The following ORC2 variants were observed in gnomAD, a reference collection of about 807,000 sequenced individuals.
The protein encoded by ORC2 is origin recognition complex protein 2 homolog.
Under a neutral mutation model 77.7 loss-of-function variants are expected in ORC2, and 37 were observed. The observed-to-expected ratio is 0.48, with a 90% confidence interval of 0.37 to 0.63. ORC2 has a LOEUF of 0.63. Among genes scored for constraint, ORC2 ranks in the 20% least tolerant of loss-of-function variants. The pLI, the probability that ORC2 is intolerant of heterozygous loss-of-function variation, is 0.00. For missense variants in ORC2, 557 were observed against 661.9 expected, an observed-to-expected ratio of 0.84 and a Z score of 1.74; for synonymous variants, 201 against 229.5, an observed-to-expected ratio of 0.88 and a Z score of 1.12.
At chr2:200,947,995 G>A (rs1575178547) in intron 5 of ORC2, among the ~76,000 whole-genome samples, 2 of 151,566 alleles carry the variant, frequency 1.3e-5, no homozygotes, top group African/African-American at 2.4e-5. Flanking sequence ...TGCAAGCTCC[G>A]CCTCCCGGGT....
intron 8 of ORC2, among the ~76,000 whole-genome samples, chr2:200,936,691 CTTATGA>C (rs1445737777): frequency 1.3e-5 from 2 of 152,150 alleles, no homozygotes; most frequent in Admixed American, 6.6e-5. Flanking sequence ...ATAAATGGTA[CTTATGA>C]TTATAATTAT....
chr2:200,927,607 G>T (rs1326414384), intron 11 of ORC2, among the ~76,000 whole-genome samples: 2 of 150,134 alleles, frequency 1.3e-5, no homozygotes, highest in East Asian at 2.0e-4. Flanking sequence ...GGAGAATGGC[G>T]TGAACACGGA....
chr2:200,911,919 G>A (rs779330927), intron 17 of ORC2, among the ~76,000 whole-genome samples: 24 of 152,042 alleles, frequency 1.6e-4, no homozygotes, highest in Non-Finnish European at 2.8e-4. Context: ...TTATCACATC[G>A]TTTGCTTAGA....
intron 6 of ORC2, among the ~76,000 whole-genome samples, chr2:200,942,068 T>C (rs13028648): frequency 0.046 from 6,947 of 152,018 alleles, 217 homozygotes; most frequent in Non-Finnish European, 0.071. Flanking sequence ...TAGGCCCTGT[T>C]ACACGAGAGG....
chr2:200,960,401 C>A (rs1404861823), intron 1 of ORC2, among the ~76,000 whole-genome samples: 1 of 152,106 alleles, frequency 6.6e-6, no homozygotes, highest in Non-Finnish European at 1.5e-5. Context: ...TAACTTATGA[C>A]CATTGCTTGT....
intron 4 of ORC2, among the ~76,000 whole-genome samples, chr2:200,951,440 C>T (rs1044969891): frequency 1.3e-5 from 2 of 152,184 alleles, no homozygotes; most frequent in African/African-American, 4.8e-5. Context: ...TAAGCAGCAG[C>T]ACAGCTGTTT....
intron 9 of ORC2, among the ~76,000 whole-genome samples, chr2:200,934,920 C>T (rs956663607): frequency 5.3e-5 from 8 of 152,244 alleles, no homozygotes; most frequent in Middle Eastern, 3.4e-3. Context: ...TTTTCTAAAA[C>T]CAAGGTGCCT....
intron 13 of ORC2, among the ~76,000 whole-genome samples, chr2:200,922,878 G>A (rs2040783220): frequency 6.6e-6 from 1 of 152,182 alleles, no homozygotes; most frequent in Admixed American, 6.5e-5. Context: ...GAGAACTTAT[G>A]TTGAAAACTA....
chr2:200,922,651 T>C (rs950317899), intron 13 of ORC2, among the ~76,000 whole-genome samples: 4 of 151,958 alleles, frequency 2.6e-5, no homozygotes, highest in African/African-American at 7.3e-5. Context: ...AGATGACACA[T>C]TGTGAAAATC....
Position 200,909,235 on chromosome 2 carries a change from C to T in ORC2, c.*2066G>A, listed in dbSNP as rs559874706. 13 of 152,146 alleles carry T rather than the reference C, an allele frequency of 8.5e-5. No individual in the cohort carries two copies. Among genetic ancestry groups the T allele is most frequent in the East Asian group, 1.9e-4 (1 of 5,186 alleles). 9.4% of individuals were successfully genotyped at this position (152,146 alleles called of 1,614,324 possible). A position where few individuals can be genotyped will look rare whatever the true frequency, so the allele number is the denominator to read the frequency against. On this transcript the variant is annotated 3_prime_UTR_variant, in exon 18 of 18. Coordinates refer to ENST00000234296, the MANE Select transcript of ORC2 (RefSeq NM_006190.5). The stretch of plus-strand genomic sequence containing the variant: ...ACAGATACTTTTACATATGCATAGA[C>T]GATATCTGGAAGAATACTTAAGAAA...
intron 1 of ORC2, 42 bp downstream of exon 1, chr2:200,963,447 AG>A (rs1310266098): frequency 5.0e-6 from 2 of 398,540 alleles, no homozygotes; most frequent in African/African-American, 2.1e-5. Context: ...CCGCGAGCTA[AG>A]CAGAAAAGGG....
intron 8 of ORC2, among the ~76,000 whole-genome samples, 156 bp downstream of exon 8, chr2:200,937,750 A>C (rs569423015): frequency 1.2e-3 from 188 of 152,360 alleles, no homozygotes; most frequent in Non-Finnish European, 2.2e-3. Context: ...ATATACACTG[A>C]CTACAATGTG....
At chr2:200,915,613 A>G (rs561618709) in intron 15 of ORC2, among the ~76,000 whole-genome samples, 113 of 152,338 alleles carry the variant, frequency 7.4e-4, no homozygotes, top group Admixed American at 3.7e-3. Context: ...TGGGTATGCC[A>G]AAAATTCAAA....
intron 13 of ORC2, 74 bp downstream of exon 13, chr2:200,925,762 A>G: frequency 1.7e-6 from 1 of 593,974 alleles, no homozygotes; most frequent in South Asian, 2.0e-5. Flanking sequence ...TATTGTATGT[A>G]TATAAATACA....
intron 10 of ORC2, 25 bp downstream of exon 10, chr2:200,933,851 A>G (rs774317802): frequency 2.2e-6 from 3 of 1,385,466 alleles, no homozygotes; most frequent in Non-Finnish European, 3.0e-6. Flanking sequence ...AAAAAAATTT[A>G]GAAGTAACAT....
At chr2:200,934,790 G>T (rs1241722765) in intron 9 of ORC2, among the ~76,000 whole-genome samples, 2 of 152,168 alleles carry the variant, frequency 1.3e-5, no homozygotes, top group Admixed American at 6.5e-5. Context: ...CACACTATTT[G>T]TTCTTCTGAT....
chr2:200,957,000 C>T (rs2041478116), intron 4 of ORC2, among the ~76,000 whole-genome samples: 1 of 151,962 alleles, frequency 6.6e-6, no homozygotes, highest in South Asian at 2.1e-4. Context: ...CAACATATGC[C>T]ACAGCCTGCG....
intron 2 of ORC2, among the ~76,000 whole-genome samples, chr2:200,959,087 A>T (rs912855128): frequency 2.6e-5 from 4 of 152,080 alleles, no homozygotes; most frequent in Non-Finnish European, 4.4e-5. Context: ...GGGCTCAAGC[A>T]ATCCTCCCAT....
intron 4 of ORC2, among the ~76,000 whole-genome samples, chr2:200,954,710 C>T (rs774725443): frequency 3.3e-5 from 5 of 151,882 alleles, no homozygotes; most frequent in African/African-American, 7.3e-5. Context: ...CCCTCCAAAG[C>T]GTCACAGTAC....
Sources: gnomAD v4.1 joint callset for allele counts (sites outside exome capture counted in the v4.1 genomes callset) on GRCh38, gnomAD v4.1.1 for gene constraint, MANE v1.5 for transcripts, NCBI Gene and HGNC (gene_info 2026-07-23, HGNC 2026-07-21) for gene names.